ACKR3: variants seen among roughly 807,000 people sequenced by gnomAD.
ACKR3 encodes the protein C-X-C chemokine receptor type 7.
A neutral mutation model predicts 22.4 loss-of-function variants in ACKR3; 6 were observed. The ratio of observed to expected loss-of-function variants is 0.27; its 90% CI spans 0.15 to 0.53. ACKR3 has a LOEUF of 0.53. Among genes scored for constraint, ACKR3 ranks in the 20% least tolerant of loss-of-function variants. The pLI is 0.96. For missense variants in ACKR3, 396 were observed against 475.2 expected, an observed-to-expected ratio of 0.83 and a Z score of 1.55; for synonymous variants, 209 against 205.2, an observed-to-expected ratio of 1.02 and a Z score of -0.16.
At chr2:236,552,445 A>C in the ACKR3 span, among the ~76,000 whole-genome samples, 1 of 152,200 alleles carries the variant, frequency 6.6e-6, no homozygotes, top group Admixed American at 6.5e-5. Flanking sequence ...GTCACTTCTC[A>C]GGTTTTGGTG....
intron 1 of ACKR3, among the ~76,000 whole-genome samples, chr2:236,573,662 T>C (rs549891579): frequency 2.6e-5 from 4 of 152,310 alleles, no homozygotes; most frequent in South Asian, 2.1e-4. Flanking sequence ...GCCTGAGTTA[T>C]CTTATCTATA....
intron 1 of ACKR3, among the ~76,000 whole-genome samples, chr2:236,572,723 C>T: frequency 6.6e-6 from 1 of 152,190 alleles, no homozygotes; most frequent in Non-Finnish European, 1.5e-5. Context: ...TGGACCTGCT[C>T]TTGTGGGTAT....
the ACKR3 span, among the ~76,000 whole-genome samples, chr2:236,548,300 T>C: frequency 6.6e-6 from 1 of 152,170 alleles, no homozygotes; most frequent in Non-Finnish European, 1.5e-5. The surrounding 1 kb of genome is among the most constrained non-coding windows in gnomAD (Gnocchi z 4.3). Flanking sequence ...AGAATGCCTC[T>C]CCCAGAAAGC....
chr2:236,551,178 A>G, the ACKR3 span, among the ~76,000 whole-genome samples: 1 of 152,188 alleles, frequency 6.6e-6, no homozygotes, highest in Admixed American at 6.5e-5. Flanking sequence ...GAGAAGTGGA[A>G]GCTTGGTGCC....
upstream of ACKR3, among the ~76,000 whole-genome samples, chr2:236,566,425 G>A (rs1205845775): frequency 6.6e-6 from 1 of 152,184 alleles, no homozygotes; most frequent in Non-Finnish European, 1.5e-5. Flanking sequence ...CCACCCAAAA[G>A]AACCATTATA....
rs113890853 is a variant in ACKR3, at chr2:236,576,234, C to T, written c.-26-4206C>T. ...TGTCTCCTTCAGGCCCTGTGGCTAT[C>T]GGCCTTCCCAACTTCCCAGCGTAAA... On this transcript the variant is annotated intron_variant, in intron 1 of 1. Transcript: ENST00000272928. Among the ~76,000 whole-genome samples, 496 of 152,340 alleles carry T rather than the reference C, an allele frequency of 3.3e-3. 4 individuals carry two copies. Among genetic ancestry groups the T allele is most frequent in the African/African-American group, 0.011 (460 of 41,568 alleles).
the ACKR3 span, among the ~76,000 whole-genome samples, chr2:236,550,100 A>G: frequency 1.3e-5 from 2 of 152,206 alleles, no homozygotes; most frequent in African/African-American, 2.4e-5. This position sits in a 1 kb window ranked among gnomAD's most constrained non-coding sequence, Gnocchi z 4.6. Flanking sequence ...TGCCACAGCC[A>G]AACTGCAGCA....
chr2:236,575,412 C>CTG (rs151190714), intron 1 of ACKR3, among the ~76,000 whole-genome samples: 1,419 of 125,174 alleles, frequency 0.011, 32 homozygotes, highest in Non-Finnish European at 0.016. Flanking sequence ...TGGGGTTGTG[C>CTG]TGTGTGTGTG....
the ACKR3 span, among the ~76,000 whole-genome samples, chr2:236,554,010 C>G: frequency 6.6e-6 from 1 of 152,188 alleles, no homozygotes; most frequent in Non-Finnish European, 1.5e-5. Context: ...GACAGAGGTT[C>G]ATGAGGACAC....
the ACKR3 span, among the ~76,000 whole-genome samples, chr2:236,540,674 G>C: frequency 1.3e-5 from 2 of 152,044 alleles, no homozygotes. Context: ...TTTAATGTGT[G>C]GTGCAAAATA....
chr2:236,561,299 A>G, the ACKR3 span, among the ~76,000 whole-genome samples: 1 of 152,230 alleles, frequency 6.6e-6, no homozygotes, highest in African/African-American at 2.4e-5. Flanking sequence ...ACATTAAAAT[A>G]AAATCTAAAA....
Position 236,581,729 on chromosome 2 carries a change from T to G in ACKR3, c.*175T>G. On this transcript the variant is annotated 3_prime_UTR_variant, in exon 2 of 2. Coordinates refer to ENST00000272928, the MANE Select transcript of ACKR3 (RefSeq NM_020311.3). This position sits in a 1 kb window ranked among gnomAD's most constrained non-coding sequence, Gnocchi z 4.4. ...CTTTCTCTTGATGACGCAGCTGTCA[T>G]TTGGCTGTGCGTGCTGACAGTTTTG... 1.2e-6 allele frequency: 1 copy of G among 851,898 alleles called. No individual in the cohort carries two copies. The highest frequency in any genetic ancestry group is 1.8e-6 in the Non-Finnish European group (1 of 564,170). 52.8% of individuals were successfully genotyped at this position (851,898 alleles called of 1,614,324 possible). A position where few individuals can be genotyped will look rare whatever the true frequency, so the allele number is the denominator to read the frequency against.
intron 1 of ACKR3, among the ~76,000 whole-genome samples, chr2:236,571,465 C>G (rs974923454): frequency 1.3e-5 from 2 of 152,116 alleles, no homozygotes; most frequent in African/African-American, 4.8e-5. Flanking sequence ...TAAAAAAGTT[C>G]CATAAAGCAT....
chr2:236,538,700 G>A, the ACKR3 span, among the ~76,000 whole-genome samples: 6 of 152,204 alleles, frequency 3.9e-5, no homozygotes, highest in African/African-American at 1.4e-4. Context: ...TGTAGGCACG[G>A]TTGCCAGATA....
chr2:236,576,024 C>T (rs150683437), intron 1 of ACKR3, among the ~76,000 whole-genome samples: 2 of 152,252 alleles, frequency 1.3e-5, no homozygotes, highest in African/African-American at 4.8e-5. Context: ...TATGCAGAAA[C>T]CTTAGAACCT....
At chr2:236,556,946 C>T in the ACKR3 span, among the ~76,000 whole-genome samples, 1 of 152,160 alleles carries the variant, frequency 6.6e-6, no homozygotes, top group Non-Finnish European at 1.5e-5. Flanking sequence ...CCTCAGCTTC[C>T]CAAAGTGCTG....
chr2:236,540,797 A>G, the ACKR3 span, among the ~76,000 whole-genome samples: 4 of 152,192 alleles, frequency 2.6e-5, no homozygotes, highest in East Asian at 5.8e-4. Flanking sequence ...GAAATTGATC[A>G]ATCATGTATG....
At chr2:236,561,928 T>C in the ACKR3 span, among the ~76,000 whole-genome samples, 20 of 152,278 alleles carry the variant, frequency 1.3e-4, no homozygotes, top group Non-Finnish European at 2.2e-4. Flanking sequence ...AAAGTTGTTT[T>C]ACATCTTTCT....
chr2:236,538,172 C>A, the ACKR3 span, among the ~76,000 whole-genome samples: 73 of 152,182 alleles, frequency 4.8e-4, no homozygotes, highest in African/African-American at 1.7e-3. Flanking sequence ...CACATCACAC[C>A]TGGTATTTGA....
Sources: gnomAD v4.1 joint callset for allele counts (sites outside exome capture counted in the v4.1 genomes callset) on GRCh38, gnomAD v4.1.1 for gene constraint, Gnocchi (gnomAD v3.1) non-coding constraint, MANE v1.5 for transcripts, NCBI Gene and HGNC (gene_info 2026-07-23, HGNC 2026-07-21) for gene names.